RAD51B: variants seen among roughly 807,000 people sequenced by gnomAD.
RAD51B encodes DNA repair protein RAD51 homolog 2.
A neutral mutation model predicts 42.2 loss-of-function variants in RAD51B; 38 were observed. The ratio of observed to expected loss-of-function variants is 0.90; its 90% CI spans 0.70 to 1.18. The LOEUF (loss-of-function observed/expected upper bound fraction) is 1.18. Ranked by LOEUF, RAD51B falls within the 50% of genes most tolerant of loss-of-function variation. The probability of loss-of-function intolerance (pLI) is 0.00; values close to 1 mark genes in which losing one functional copy is unlikely to be tolerated. For synonymous variants in RAD51B, 154 were observed against 145.2 expected, an observed-to-expected ratio of 1.06 and a Z score of -0.43; for missense variants, 373 against 400.7, an observed-to-expected ratio of 0.93 and a Z score of 0.59.
intron 7 of RAD51B, among the ~76,000 whole-genome samples, chr14:67,895,552 G>A (rs944282102): frequency 1.3e-5 from 2 of 152,110 alleles, no homozygotes; most frequent in Non-Finnish European, 2.9e-5. Flanking sequence ...AGCATTGTAT[G>A]GTACCATGAT....
chr14:68,127,109 A>T (rs965252883), intron 7 of RAD51B, among the ~76,000 whole-genome samples: 2 of 152,176 alleles, frequency 1.3e-5, no homozygotes, highest in Non-Finnish European at 2.9e-5. Flanking sequence ...AAAAGGGCTT[A>T]TCTCATATAT....
At chr14:68,030,730 C>G (rs895646820) in intron 7 of RAD51B, among the ~76,000 whole-genome samples, 4 of 152,218 alleles carry the variant, frequency 2.6e-5, no homozygotes, top group Non-Finnish European at 2.9e-5. Flanking sequence ...TTTGCATTCA[C>G]AGCTTGGCTA....
chr14:68,385,778 T>G (rs1009632425), intron 8 of RAD51B, among the ~76,000 whole-genome samples: 1 of 152,234 alleles, frequency 6.6e-6, no homozygotes, highest in Non-Finnish European at 1.5e-5. Context: ...TTGTGATGTC[T>G]TTTTCAGCTT....
intron 10 of RAD51B, among the ~76,000 whole-genome samples, chr14:68,650,083 T>C (rs1892669642): frequency 2.0e-5 from 3 of 152,212 alleles, no homozygotes; most frequent in Admixed American, 2.0e-4. Context: ...TGATCTTTGC[T>C]GATGGGTGGT....
At chr14:68,034,778 G>A (rs190747140) in intron 7 of RAD51B, among the ~76,000 whole-genome samples, 8 of 152,186 alleles carry the variant, frequency 5.3e-5, no homozygotes, top group Non-Finnish European at 1.0e-4. Context: ...GAAAGTTAGG[G>A]TAATGACATT....
At chr14:68,481,629 T>A (rs1042827373), downstream of RAD51B, among the ~76,000 whole-genome samples, 5 of 152,184 alleles carry the variant, frequency 3.3e-5, no homozygotes, top group African/African-American at 1.2e-4. Context: ...AGGTAGAATT[T>A]TGTATTATTC....
At chr14:67,971,435 G>T (rs1211878340) in intron 7 of RAD51B, among the ~76,000 whole-genome samples, 1 of 152,068 alleles carries the variant, frequency 6.6e-6, no homozygotes, top group African/African-American at 2.4e-5. Context: ...ACCAAGAAGA[G>T]AAATTAGAGA....
chr14:68,076,486 A>G (rs547815723), intron 7 of RAD51B, among the ~76,000 whole-genome samples: 1 of 152,340 alleles, frequency 6.6e-6, no homozygotes, highest in South Asian at 2.1e-4. Flanking sequence ...AGTAAAAGAA[A>G]CTTATTTAAA....
At chr14:68,472,917 T>G (rs2086161583) in intron 10 of RAD51B, among the ~76,000 whole-genome samples, 1 of 152,244 alleles carries the variant, frequency 6.6e-6, no homozygotes. Flanking sequence ...TTGATCACCT[T>G]TTGAAATGTA....
At chr14:68,327,703 T>C (rs1437942417) in intron 8 of RAD51B, among the ~76,000 whole-genome samples, 1 of 148,670 alleles carries the variant, frequency 6.7e-6, no homozygotes, top group Non-Finnish European at 1.5e-5. Context: ...TATGAGTAGA[T>C]ATTAATCTTC....
At chr14:68,353,969 C>T (rs1428394686) in intron 8 of RAD51B, among the ~76,000 whole-genome samples, 1 of 152,192 alleles carries the variant, frequency 6.6e-6, no homozygotes, top group Non-Finnish European at 1.5e-5. Flanking sequence ...TACGTTCCAC[C>T]TGTGATGTTA....
At chr14:67,832,610 T>G (rs2041092563) in intron 3 of RAD51B, among the ~76,000 whole-genome samples, 1 of 152,230 alleles carries the variant, frequency 6.6e-6, no homozygotes, top group Non-Finnish European at 1.5e-5. Flanking sequence ...TAATTATACC[T>G]GTGTGTAAAT....
At chr14:68,283,779 C>T (rs1001184984) in intron 7 of RAD51B, among the ~76,000 whole-genome samples, 32 of 152,340 alleles carry the variant, frequency 2.1e-4, no homozygotes, top group African/African-American at 7.2e-4. Flanking sequence ...GTCTATGGCA[C>T]GGTAGCTGCC....
At chr14:68,408,604 G>C (rs916844226) in intron 8 of RAD51B, among the ~76,000 whole-genome samples, 6 of 152,122 alleles carry the variant, frequency 3.9e-5, no homozygotes, top group Non-Finnish European at 7.4e-5. Flanking sequence ...GTTTATTTGT[G>C]TGTTTTTAAA....
intron 10 of RAD51B, among the ~76,000 whole-genome samples, chr14:68,472,588 G>A (rs1014790579): frequency 4.1e-4 from 62 of 152,246 alleles, no homozygotes; most frequent in African/African-American, 1.4e-3. Flanking sequence ...ACAGAAGATA[G>A]TGGCTTAGTT....
intron 10 of RAD51B, among the ~76,000 whole-genome samples, chr14:68,536,679 T>A (rs1403820320): frequency 6.6e-6 from 1 of 152,206 alleles, no homozygotes; most frequent in Non-Finnish European, 1.5e-5. Flanking sequence ...AAAAGTTCAG[T>A]CTTGTTATTG....
Position 68,088,239 on chromosome 14 carries a change from G to A in RAD51B, c.756+201035G>A, listed in dbSNP as rs114843266. 3.6e-3 allele frequency among the ~76,000 whole-genome samples: 540 copies of A among 151,066 alleles called. 2 individuals are homozygous for A. The highest frequency in any genetic ancestry group is 0.012 in the African/African-American group (507 of 41,156). On this transcript the variant is annotated intron_variant, in intron 7 of 10. Transcript: ENST00000471583. Reference sequence around the variant, plus strand: ...GTTACAGTCCTGGCCCTACTAAAACGTCTTTTATTGACCTGCATGCTATCA... The same window carrying A: ...GTTACAGTCCTGGCCCTACTAAAACATCTTTTATTGACCTGCATGCTATCA...
At chr14:68,663,156 G>T (rs534237025) in intron 11 of RAD51B, among the ~76,000 whole-genome samples, 61 of 152,296 alleles carry the variant, frequency 4.0e-4, no homozygotes, top group African/African-American at 1.4e-3. Flanking sequence ...CAAAAAATTA[G>T]CTAGGCGTGG....
At chr14:68,250,303 C>T (rs1457625864) in intron 7 of RAD51B, among the ~76,000 whole-genome samples, 1 of 152,182 alleles carries the variant, frequency 6.6e-6, no homozygotes, top group African/African-American at 2.4e-5. Flanking sequence ...AGCAAATGTG[C>T]CTGCATTTTT....
Sources: allele counts gnomAD v4.1 joint callset (sites outside exome capture counted in the v4.1 genomes callset), GRCh38; gene constraint gnomAD v4.1.1; transcripts MANE v1.5; gene names NCBI Gene and HGNC (gene_info 2026-07-23, HGNC 2026-07-21).